PALM2AKAP2: variants seen among roughly 807,000 people sequenced by gnomAD.
PALM2AKAP2 encodes PALM2 and AKAP2 fusion, also known as PALM2-AKAP2 fusion protein.
A neutral mutation model predicts 71.5 loss-of-function variants in PALM2AKAP2; 37 were observed. The ratio of observed to expected loss-of-function variants is 0.52; its 90% confidence interval spans 0.40 to 0.68. PALM2AKAP2 has a LOEUF of 0.68. PALM2AKAP2 is among the 30% of genes least tolerant of loss of function. The pLI, the probability that PALM2AKAP2 is intolerant of heterozygous loss-of-function variation, is 0.00. For missense variants in PALM2AKAP2, 1,224 were observed against 1,191.8 expected, an observed-to-expected ratio of 1.03 and a Z score of -0.40; for synonymous variants, 468 against 478.8, an observed-to-expected ratio of 0.98 and a Z score of 0.29.
intron 1 of PALM2AKAP2, among the ~76,000 whole-genome samples, chr9:109,729,191 C>T (rs1380407599): frequency 2.0e-5 from 3 of 152,186 alleles, no homozygotes; most frequent in Admixed American, 1.3e-4. Flanking sequence ...AGTGACTCCT[C>T]ATAAAGCCTT....
chr9:109,644,739 C>T (rs1827124577), intron 1 of PALM2AKAP2, among the ~76,000 whole-genome samples: 2 of 151,516 alleles, frequency 1.3e-5, no homozygotes, highest in South Asian at 4.2e-4. Context: ...AATCATCTCT[C>T]TCAAGTTCAA....
chr9:110,129,512 C>CT (rs1835688392), intron 1 of PALM2AKAP2, among the ~76,000 whole-genome samples: 2 of 152,236 alleles, frequency 1.3e-5, no homozygotes, highest in African/African-American at 4.8e-5. Context: ...CTCTATACCT[C>CT]TTATTCTGAA....
upstream of PALM2AKAP2, among the ~76,000 whole-genome samples, chr9:109,775,457 A>T (rs1829334990): frequency 6.6e-6 from 1 of 152,220 alleles, no homozygotes; most frequent in African/African-American, 2.4e-5. Flanking sequence ...GAAAAATAGC[A>T]TATACTTGAA....
intron 1 of PALM2AKAP2, among the ~76,000 whole-genome samples, chr9:110,089,846 A>T (rs556038018): frequency 1.3e-5 from 2 of 152,152 alleles, no homozygotes; most frequent in Non-Finnish European, 2.9e-5. Context: ...AGCCTTTTAC[A>T]GGAGGAGAAA....
At chr9:109,783,533 A>G in intron 1 of PALM2AKAP2, among the ~76,000 whole-genome samples, 1 of 152,126 alleles carries the variant, frequency 6.6e-6, no homozygotes, top group Non-Finnish European at 1.5e-5. Context: ...TCCTGACCTC[A>G]TGTGATCCTC....
chr9:110,089,577 CA>C (rs1564298392), intron 1 of PALM2AKAP2, among the ~76,000 whole-genome samples: 1 of 152,204 alleles, frequency 6.6e-6, no homozygotes, highest in Admixed American at 6.5e-5. Flanking sequence ...CTTCTTAACA[CA>C]ATTCTTAACA....
At chr9:110,147,430 T>C (rs1348202824) in intron 2 of PALM2AKAP2, among the ~76,000 whole-genome samples, 1 of 152,134 alleles carries the variant, frequency 6.6e-6, no homozygotes, top group Non-Finnish European at 1.5e-5. Flanking sequence ...ACCAACCTCA[T>C]AAAAATGTTG....
chr9:110,088,703 GTTTTTTTTT>G (rs71373964), intron 1 of PALM2AKAP2, among the ~76,000 whole-genome samples: 26,273 of 77,556 alleles, frequency 0.34, 3,954 homozygotes, highest in African/African-American at 0.52. Context: ...GCATTTACGT[GTTTTTTTTT>G]TTTTTTTTTT....
chr9:110,030,654 A>G (rs1007520077), intron 7 of PALM2AKAP2, among the ~76,000 whole-genome samples: 3 of 152,222 alleles, frequency 2.0e-5, no homozygotes, highest in Non-Finnish European at 4.4e-5. Flanking sequence ...TAGTGCTCCT[A>G]TCTCGATAAA....
chr9:109,920,979 C>A (rs1339046559), intron 3 of PALM2AKAP2, among the ~76,000 whole-genome samples: 3 of 152,096 alleles, frequency 2.0e-5, no homozygotes, highest in Non-Finnish European at 2.9e-5. Flanking sequence ...TTACTTACTC[C>A]CCCCAAAATA....
chr9:109,708,427 A>G (rs1023465320), intron 1 of PALM2AKAP2, among the ~76,000 whole-genome samples: 1 of 152,238 alleles, frequency 6.6e-6, no homozygotes. Flanking sequence ...TATGACAATG[A>G]TGATTTTGGA....
At chr9:110,158,528 G>A (rs1836516981) in intron 3 of PALM2AKAP2, among the ~76,000 whole-genome samples, 1 of 152,150 alleles carries the variant, frequency 6.6e-6, no homozygotes, top group South Asian at 2.1e-4. Flanking sequence ...CAGAGGGCTG[G>A]AAGCTCTTTT....
At chr9:109,902,854 G>T (rs980472628) in intron 3 of PALM2AKAP2, among the ~76,000 whole-genome samples, 1 of 152,172 alleles carries the variant, frequency 6.6e-6, no homozygotes, top group African/African-American at 2.4e-5. Context: ...TCTGGTCCAA[G>T]TGAGAAGAGA....
intron 6 of PALM2AKAP2, among the ~76,000 whole-genome samples, chr9:110,008,593 G>A (rs1376708387): frequency 6.6e-6 from 1 of 152,110 alleles, no homozygotes; most frequent in Admixed American, 6.5e-5. Flanking sequence ...TGGGGAAGGC[G>A]AGTCTAGAAG....
chr9:109,897,132 G>A (rs1232181274), intron 3 of PALM2AKAP2, among the ~76,000 whole-genome samples: 1 of 152,232 alleles, frequency 6.6e-6, no homozygotes, highest in African/African-American at 2.4e-5. Context: ...AGGGTTAAGA[G>A]TAAGCATTCT....
At chr9:109,776,104 G>C (rs1258002487), upstream of PALM2AKAP2, among the ~76,000 whole-genome samples, 4 of 152,190 alleles carry the variant, frequency 2.6e-5, no homozygotes, top group African/African-American at 9.6e-5. Context: ...TGTGGCACTA[G>C]ACTACGATTT....
rs998691502 is a variant in PALM2AKAP2 at position 110,030,004 on chromosome 9, A to C, written c.582+13965A>C. 3.9e-5 allele frequency among the ~76,000 whole-genome samples: 6 copies of C among 152,228 alleles called. 1 individual carries two copies. The highest frequency in any genetic ancestry group is 7.3e-5 in the Non-Finnish European group (5 of 68,034). On this transcript the variant is annotated intron_variant, in intron 7 of 9. Transcript: ENST00000302798. Reference sequence around the variant, plus strand: ...TATCAGGAAAAGTTGTTGGATTCATAGAGTAGGGGCCAAGGGAAAACTTTC... The same window carrying C: ...TATCAGGAAAAGTTGTTGGATTCATCGAGTAGGGGCCAAGGGAAAACTTTC...
chr9:110,109,305 G>A (rs1175558989), intron 1 of PALM2AKAP2, among the ~76,000 whole-genome samples: 1 of 104,602 alleles, frequency 9.6e-6, no homozygotes, highest in East Asian at 3.1e-4. Context: ...CAACAAGAGG[G>A]AATCTTTGTC....
intron 6 of PALM2AKAP2, among the ~76,000 whole-genome samples, chr9:109,953,523 G>T (rs1273044261): frequency 6.6e-6 from 1 of 152,158 alleles, no homozygotes; most frequent in African/African-American, 2.4e-5. Flanking sequence ...AGAGAGCTAT[G>T]TTATGAAAGT....
Sources: allele counts gnomAD v4.1 joint callset (sites outside exome capture counted in the v4.1 genomes callset), GRCh38; gene constraint gnomAD v4.1.1; transcripts MANE v1.5; gene names NCBI Gene and HGNC (gene_info 2026-07-23, HGNC 2026-07-21).